The following SAMD4B variants were observed in gnomAD, a reference collection of about 807,000 sequenced individuals.
SAMD4B encodes protein Smaug homolog 2.
In SAMD4B, 5 loss-of-function variants were observed where a neutral mutation model predicts 74.5. That is an observed-to-expected ratio of 0.07 (90% CI 0.04 to 0.14). The LOEUF (loss-of-function observed/expected upper bound fraction) is 0.14, where lower values mean the gene tolerates loss of function less well. Ranked by LOEUF, SAMD4B falls within the 10% of genes least tolerant of loss-of-function variation. SAMD4B has a pLI of 1.00. For missense variants in SAMD4B, 608 were observed against 921.8 expected, an observed-to-expected ratio of 0.66 and a Z score of 4.41; for synonymous variants, 373 against 374.9, an observed-to-expected ratio of 1.00 and a Z score of 0.06.
intron 1 of SAMD4B, among the ~76,000 whole-genome samples, chr19:39,347,121 A>T (rs2075750970): frequency 6.6e-6 from 1 of 152,198 alleles, no homozygotes; most frequent in Non-Finnish European, 1.5e-5. Context: ...TTGGCTTCAG[A>T]CCTAGCTGCA....
intron 4 of SAMD4B, 81 bp downstream of exon 4, chr19:39,370,206 T>C (rs1032015593): frequency 1.5e-6 from 2 of 1,342,460 alleles, no homozygotes; most frequent in Non-Finnish European, 2.1e-6. Context: ...TCTCGCTCTG[T>C]GGCATTAGAC....
downstream of SAMD4B, chr19:39,387,321 A>G (rs2078275228): frequency 3.5e-5 from 9 of 254,264 alleles, no homozygotes; most frequent in South Asian, 3.7e-4. Context: ...AGGGACCACC[A>G]TAAGCAGTCC....
intron 3 of SAMD4B, among the ~76,000 whole-genome samples, chr19:39,363,413 TAAC>T (rs2076767400): frequency 6.6e-6 from 1 of 152,124 alleles, no homozygotes; most frequent in Non-Finnish European, 1.5e-5. Flanking sequence ...TTTTGGTAAA[TAAC>T]TGTATGAAAT....
rs138470666 is a variant in SAMD4B at position 39,365,426 on chromosome 19, C to T, written c.197-4229C>T. 1.1e-3 allele frequency among the ~76,000 whole-genome samples: 160 copies of T among 151,818 alleles called. 1 individual carries two copies. In the East Asian group the frequency reaches 0.018, roughly 17 times the overall value. ...AAAATTAGCCAGGTGTGGTGGCGTGCGCCTGTAATCCCAGCTACTGGTGGG... is the reference window on the plus strand; with the variant it reads ...AAAATTAGCCAGGTGTGGTGGCGTGTGCCTGTAATCCCAGCTACTGGTGGG... On this transcript the variant is annotated intron_variant, in intron 3 of 13. Coordinates refer to ENST00000610417, the MANE Select transcript of SAMD4B (RefSeq NM_001384574.2).
intron 3 of SAMD4B, among the ~76,000 whole-genome samples, chr19:39,358,270 TCAAA>T (rs962528798): frequency 2.0e-5 from 3 of 152,286 alleles, no homozygotes; most frequent in South Asian, 2.1e-4. Context: ...AAACTCTATC[TCAAA>T]CAAACAAACA....
intron 1 of SAMD4B, chr19:39,351,062 A>C (rs541554000): frequency 4.0e-5 from 6 of 151,148 alleles, no homozygotes; most frequent in African/African-American, 1.2e-4. Flanking sequence ...GCTCACTGCA[A>C]CCTCTGCCTC....
At chr19:39,377,951 C>T in intron 8 of SAMD4B, 127 bp downstream of exon 8, 5 of 924,974 alleles carry the variant, frequency 5.4e-6, no homozygotes, top group Non-Finnish European at 8.0e-6. Flanking sequence ...GACTGGAACA[C>T]TACAGAGAGT....
downstream of SAMD4B, chr19:39,386,099 G>T: frequency 1.2e-6 from 2 of 1,613,986 alleles, no homozygotes; most frequent in South Asian, 2.2e-5. The surrounding 1 kb of genome is among the most constrained non-coding windows in gnomAD (Gnocchi z 6.1). Context: ...CGCTGCGGCT[G>T]TGGCTCCGGC....
chr19:39,387,307 C>A, downstream of SAMD4B: 1 of 293,584 alleles, frequency 3.4e-6, no homozygotes, highest in African/African-American at 2.1e-5. Flanking sequence ...GGTATTCTAT[C>A]TTAAGGGACC....
chr19:39,383,922 T>C lies in SAMD4B; in HGVS notation c.*395T>C. The C allele has an allele frequency of 1.7e-6, 1 of 575,752 alleles. No homozygotes were observed. The highest frequency in any genetic ancestry group is 1.9e-5 in the African/African-American group (1 of 53,684). 35.7% of individuals were successfully genotyped at this position (575,752 alleles called of 1,614,324 possible). The stretch of plus-strand genomic sequence containing the variant: ...CTGACCACTACCTTGTGGAGCCTGC[T>C]CAGAAACATTTGACATTTGGGGTGA... On this transcript the variant is annotated 3_prime_UTR_variant, in exon 14 of 14. Coordinates refer to ENST00000610417, the MANE Select transcript of SAMD4B (RefSeq NM_001384574.2). This position sits in a 1 kb window ranked among gnomAD's most constrained non-coding sequence, Gnocchi z 4.1.
At chr19:39,372,291 C>A (rs982327184) in intron 4 of SAMD4B, among the ~76,000 whole-genome samples, 4 of 152,092 alleles carry the variant, frequency 2.6e-5, no homozygotes, top group Non-Finnish European at 5.9e-5. Flanking sequence ...GTGCCTATCC[C>A]TCTGCTAAGG....
intron 1 of SAMD4B, among the ~76,000 whole-genome samples, chr19:39,345,819 C>T (rs557537678): frequency 6.6e-6 from 1 of 152,308 alleles, no homozygotes; most frequent in South Asian, 2.1e-4. Flanking sequence ...AGATCTCACT[C>T]CTCATTCAGG....
intron 3 of SAMD4B, among the ~76,000 whole-genome samples, chr19:39,362,652 C>T (rs549523214): frequency 6.6e-6 from 1 of 152,156 alleles, no homozygotes; most frequent in Non-Finnish European, 1.5e-5. Context: ...CCTCTCCTTT[C>T]CTCTGATGCT....
At chr19:39,349,266 T>C (rs765561450) in intron 1 of SAMD4B, among the ~76,000 whole-genome samples, 1 of 152,186 alleles carries the variant, frequency 6.6e-6, no homozygotes, top group Non-Finnish European at 1.5e-5. Flanking sequence ...TGATTGAATC[T>C]ACAGGAGTTA....
At chr19:39,345,576 A>G (rs1414129377) in intron 1 of SAMD4B, among the ~76,000 whole-genome samples, 3 of 152,078 alleles carry the variant, frequency 2.0e-5, no homozygotes, top group Non-Finnish European at 4.4e-5. Context: ...TCTTACTGCC[A>G]AGACCCCTCC....
At chr19:39,358,906 C>T (rs899717832) in intron 3 of SAMD4B, among the ~76,000 whole-genome samples, 1 of 152,240 alleles carries the variant, frequency 6.6e-6, no homozygotes, top group African/African-American at 2.4e-5. Context: ...GCCTTAGCAA[C>T]AGTCACCCTT....
intron 3 of SAMD4B, among the ~76,000 whole-genome samples, chr19:39,361,077 G>T (rs1400084451): frequency 2.0e-5 from 3 of 152,170 alleles, no homozygotes; most frequent in Non-Finnish European, 4.4e-5. Flanking sequence ...CAGTGAGGGG[G>T]TTGTTCTGGT....
downstream of SAMD4B, chr19:39,386,886 G>T: frequency 5.8e-6 from 5 of 856,700 alleles, no homozygotes; most frequent in South Asian, 5.4e-5. The surrounding 1 kb of genome is among the most constrained non-coding windows in gnomAD (Gnocchi z 6.1). Flanking sequence ...GAGGGGTCTG[G>T]TCTGACTTGG....
At chr19:39,388,013 C>T (rs991148936), downstream of SAMD4B, among the ~76,000 whole-genome samples, 28 of 152,256 alleles carry the variant, frequency 1.8e-4, no homozygotes, top group African/African-American at 5.1e-4. Context: ...TGCTGGCACA[C>T]GCCTGTGATG....
Sources: gnomAD v4.1 joint callset for allele counts (sites outside exome capture counted in the v4.1 genomes callset) on GRCh38, gnomAD v4.1.1 for gene constraint, Gnocchi (gnomAD v3.1) non-coding constraint, MANE v1.5 for transcripts, NCBI Gene and HGNC (gene_info 2026-07-23, HGNC 2026-07-21) for gene names.